MIDN: variants seen among roughly 807,000 people sequenced by gnomAD.
The protein encoded by MIDN is midbrain nucleolar protein.
MIDN carries 26 observed loss-of-function variants against 46.1 expected under a neutral mutation model. The observed-to-expected ratio is 0.56, with a 90% CI of 0.41 to 0.78. The LOEUF is 0.78. MIDN is among the 30% of genes least tolerant of loss of function. The probability of loss-of-function intolerance (pLI) is 0.00; values close to 1 mark genes in which losing one functional copy is unlikely to be tolerated. For missense variants in MIDN, 850 were observed against 771.8 expected, an observed-to-expected ratio of 1.10 and a Z score of -1.20; for synonymous variants, 432 against 343.3, an observed-to-expected ratio of 1.26 and a Z score of -2.86.
chr19:1,251,331 G>A (rs1363690457), intron 2 of MIDN: 5 of 542,520 alleles, frequency 9.2e-6, no homozygotes, highest in African/African-American at 2.0e-5. Context: ...CAGAGTCCAG[G>A]GCGGGGGTTC....
intron 2 of MIDN, 96 bp from the exon 3 acceptor site, chr19:1,251,464 GTC>G: frequency 9.1e-7 from 1 of 1,093,452 alleles, no homozygotes; most frequent in Non-Finnish European, 1.3e-6. Context: ...GAACTTATCC[GTC>G]TCTCCCCACA....
At chr19:1,253,423 C>A (rs544620617) in intron 4 of MIDN, among the ~76,000 whole-genome samples, 107 of 36,266 alleles carry the variant, frequency 3.0e-3, no homozygotes, top group Non-Finnish European at 4.2e-3. Flanking sequence ...CCTCCGCCAC[C>A]CCCCCCCCCA....
In MIDN at chr19:1,258,428, C is replaced by G. The variant is rs1238912610; in HGVS notation, c.*1156C>G. 2 of 152,532 alleles carry G rather than the reference C, an allele frequency of 1.3e-5. No homozygotes were observed. The highest frequency in any genetic ancestry group is 2.4e-5 in the African/African-American group (1 of 41,440). 9.4% of individuals were successfully genotyped at this position (152,532 alleles called of 1,614,324 possible). On this transcript the variant is annotated 3_prime_UTR_variant, in exon 9 of 9. Transcript: ENST00000682408. ...ACCCCCTGCCTCTCAGTGCCCCTGCCCTAGGGGTGTCTGTCTCCAGAGGGG... is the reference window on the plus strand; with the variant it reads ...ACCCCCTGCCTCTCAGTGCCCCTGCGCTAGGGGTGTCTGTCTCCAGAGGGG...
chr19:1,249,565 G>A (rs1051353519), intron 1 of MIDN, among the ~76,000 whole-genome samples: 1 of 149,938 alleles, frequency 6.7e-6, no homozygotes, highest in Non-Finnish European at 1.5e-5. Flanking sequence ...CCCGCCCTTT[G>A]TTGCGGGCTC....
intron 2 of MIDN, among the ~76,000 whole-genome samples, 164 bp downstream of exon 2, chr19:1,250,693 C>T (rs2145485181): frequency 6.6e-6 from 1 of 151,054 alleles, no homozygotes; most frequent in East Asian, 2.0e-4. Context: ...CCTCGGCCCC[C>T]TCCCCCGCCC....
intron 7 of MIDN, 60 bp from the exon 8 acceptor site, chr19:1,255,362 C>T: frequency 2.0e-6 from 3 of 1,506,264 alleles, no homozygotes; most frequent in Non-Finnish European, 2.7e-6. Context: ...CCGTGGACGC[C>T]CGTCCTGGAC....
intron 4 of MIDN, 69 bp from the exon 5 acceptor site, chr19:1,253,885 C>T (rs1488482063): frequency 2.3e-6 from 3 of 1,313,604 alleles, no homozygotes; most frequent in South Asian, 3.5e-5. Context: ...CCTCAGTTTC[C>T]CCTTGCAAGA....
At chr19:1,254,139 C>T (rs766589330) in intron 5 of MIDN, 28 bp from the exon 6 acceptor site, 1 of 1,579,812 alleles carries the variant, frequency 6.3e-7, no homozygotes, top group Non-Finnish European at 8.6e-7. Context: ...AGCTGGGGCT[C>T]CCAGCTGACG....
chr19:1,252,862 T>C (rs1422023944), intron 4 of MIDN, among the ~76,000 whole-genome samples: 4 of 151,198 alleles, frequency 2.6e-5, no homozygotes, highest in Admixed American at 6.6e-5. Flanking sequence ...GCAGCAGCAG[T>C]GGCGTGGGGG....
At position 1,258,474 on chromosome 19, in the gene MIDN, G is replaced by A. The variant is rs532884414; in HGVS notation, c.*1202G>A. 1.3e-5 allele frequency: 2 copies of A among 152,634 alleles called. No individual in the cohort carries two copies. The highest frequency in any genetic ancestry group is 4.8e-5 in the African/African-American group (2 of 41,566). 9.5% of individuals were successfully genotyped at this position (152,634 alleles called of 1,614,324 possible). A position where few individuals can be genotyped will look rare whatever the true frequency, so the allele number is the denominator to read the frequency against. On this transcript the variant is annotated 3_prime_UTR_variant, in exon 9 of 9. Transcript: ENST00000682408. Reference sequence around the variant, plus strand: ...AGGGGAGGGACAAATCCCCTACTGGGGCCATTTCAATGGGGTAGTTTTTGG... The same window carrying A: ...AGGGGAGGGACAAATCCCCTACTGGAGCCATTTCAATGGGGTAGTTTTTGG...
At chr19:1,252,369 C>CTCG (rs958320228) in intron 4 of MIDN, among the ~76,000 whole-genome samples, 4 of 152,100 alleles carry the variant, frequency 2.6e-5, no homozygotes, top group African/African-American at 9.7e-5. Flanking sequence ...GGGTGGGGAT[C>CTCG]TCGTCACCCT....
intron 4 of MIDN, among the ~76,000 whole-genome samples, chr19:1,252,321 T>TGACA (rs2081140435): frequency 6.6e-6 from 1 of 151,722 alleles, no homozygotes. Flanking sequence ...GCGGCTTGGG[T>TGACA]GACACTCCTT....
At chr19:1,253,923 GC>G in intron 4 of MIDN, 30 bp from the exon 5 acceptor site, 2 of 1,372,878 alleles carry the variant, frequency 1.5e-6, no homozygotes, top group Non-Finnish European at 1.9e-6. Flanking sequence ...GGAGGGGCAG[GC>G]CCCCGTCTGA....
chr19:1,254,391 G>T lies in MIDN; in HGVS notation c.738G>T (p.Pro246=). The change falls in exon 6 of 9, where the codon CCG becomes CCT. Residue 246 remains proline, a synonymous_variant. Transcript: ENST00000682408. ...RPVSSAARVP[P]VPTSPSPASP... ...TGTCCAGTGCCGCCCGAGTCCCCCC[G>T]GTGCCCACCAGCCCGTCCCCTGCAT... 1 of 1,562,068 alleles carries T rather than the reference G, an allele frequency of 6.4e-7. No homozygotes were observed. The highest frequency in any genetic ancestry group is 1.8e-5 in the Admixed American group (1 of 55,506).
intron 4 of MIDN, among the ~76,000 whole-genome samples, chr19:1,253,036 G>T (rs1240869491): frequency 6.8e-6 from 1 of 146,338 alleles, no homozygotes; most frequent in Non-Finnish European, 1.5e-5. Flanking sequence ...AGCTGGGTTG[G>T]GGGGGGCTGG....
chr19:1,250,339 GC>G lies in MIDN; in HGVS notation c.48del (p.Gly17AlafsTer15). 5 of 1,035,614 alleles carry G rather than the reference GC, an allele frequency of 4.8e-6. No homozygotes were observed. The highest frequency in any genetic ancestry group is 4.6e-4 in the Middle Eastern group (1 of 2,180). 64.2% of individuals were successfully genotyped at this position (1,035,614 alleles called of 1,614,324 possible). A position where few individuals can be genotyped will look rare whatever the true frequency, so the allele number is the denominator to read the frequency against. On this transcript the variant is annotated frameshift_variant, in exon 2 of 9. Coordinates refer to ENST00000682408, the MANE Select transcript of MIDN (RefSeq NM_001388306.1). LOFTEE classifies it high-confidence loss of function. ...PGGARSCRRG[A>X]PGGACELGPA... Reference sequence around the variant, plus strand: ...CGGCGCCCGGAGCTGCCGGCGCGGGGCCCCCGGCGGCGCCTGCGAGCTGGGC... The same window carrying G: ...CGGCGCCCGGAGCTGCCGGCGCGGGGCCCCGGCGGCGCCTGCGAGCTGGGC...
Position 1,252,000 on chromosome 19 carries a change from G to GGGGGA in MIDN, c.384+110_384+114dup. 4 of 1,067,474 alleles carry GGGGGA rather than the reference G, an allele frequency of 3.7e-6. No homozygotes were observed. The South Asian group carries it at 4.1e-5, about 11-fold the overall frequency. 66.1% of individuals were successfully genotyped at this position (1,067,474 alleles called of 1,614,324 possible). ...GGGTTGTCTGTGCTCCCAGGAGGCT[G>GGGGGA]GGGGAGGGGAGGGGACGCGCCACCC... On this transcript the variant is annotated intron_variant, in intron 4 of 8. Transcript: ENST00000682408.
rs1442172223 is a variant in MIDN at position 1,258,077 on chromosome 19, C to T, written c.*805C>T. 1 of 152,570 alleles carries T rather than the reference C, an allele frequency of 6.6e-6. No individual in the cohort carries two copies. Among genetic ancestry groups the T allele is most frequent in the Non-Finnish European group, 1.5e-5 (1 of 68,072 alleles). The allele number at this position is 152,570 out of a possible 1,614,324, so 9.5% of individuals were successfully genotyped here. ...CCTCCGCCCCGCCCCAGCCGGCGGA[C>T]TGTGCTGTTTCCTCCGCCCCCACTC... On this transcript the variant is annotated 3_prime_UTR_variant, in exon 9 of 9. Transcript: ENST00000682408.
chr19:1,254,093 G>A lies in MIDN; in HGVS notation c.513+11G>A, dbSNP rs763295876. On this transcript the variant is annotated intron_variant, in intron 5 of 8. Transcript: ENST00000682408. The stretch of plus-strand genomic sequence containing the variant: ...GGCGAGAGGCCCCAGGTCACAGCGC[G>A]GGGGGACTGGGCCGGGCTGGGCTGG... The A allele has an allele frequency of 9.2e-6, 14 of 1,528,462 alleles. 1 individual carries two copies. The highest frequency in any genetic ancestry group is 8.3e-5 in the South Asian group (7 of 84,700). The allele number at this position is 1,528,462 out of a possible 1,614,324, so 94.7% of individuals were successfully genotyped here.
Sources: gnomAD v4.1 joint callset for allele counts (sites outside exome capture counted in the v4.1 genomes callset) on GRCh38, gnomAD v4.1.1 for gene constraint, MANE v1.5 for transcripts, NCBI Gene and HGNC (gene_info 2026-07-23, HGNC 2026-07-21) for gene names.